PALM2AKAP2: variants seen among roughly 807,000 people sequenced by gnomAD.
PALM2AKAP2 encodes PALM2-AKAP2 fusion protein.
PALM2AKAP2 carries 37 observed loss-of-function variants against 71.5 expected under a neutral mutation model. That is an observed-to-expected ratio of 0.52 (90% CI 0.40 to 0.68). The LOEUF (loss-of-function observed/expected upper bound fraction) is 0.68, where lower values mean the gene tolerates loss of function less well. Among genes scored for constraint, PALM2AKAP2 ranks in the 30% least tolerant of loss-of-function variants. The pLI, the probability that PALM2AKAP2 is intolerant of heterozygous loss-of-function variation, is 0.00. For synonymous variants in PALM2AKAP2, 468 were observed against 478.8 expected (o/e 0.98, Z 0.29); for missense variants, 1,224 against 1,191.8 (o/e 1.03, Z -0.40).
At chr9:110,048,884 G>C in intron 1 of PALM2AKAP2, 1 of 1,517,920 alleles carries the variant, frequency 6.6e-7, no homozygotes, top group Non-Finnish European at 8.8e-7. Context: ...GAGGGGAGGG[G>C]CTGGAGTGTC....
chr9:109,764,613 A>G (rs1160850762), intron 1 of PALM2AKAP2, among the ~76,000 whole-genome samples: 1 of 152,162 alleles, frequency 6.6e-6, no homozygotes, highest in Non-Finnish European at 1.5e-5. Flanking sequence ...CCAAAGATCT[A>G]TTAATGTTTC....
chr9:109,688,444 G>C (rs1355183136), intron 1 of PALM2AKAP2, among the ~76,000 whole-genome samples: 1 of 152,216 alleles, frequency 6.6e-6, no homozygotes, highest in Non-Finnish European at 1.5e-5. Context: ...TATCTTGAGT[G>C]TCTTAGGAGG....
exon 4 of PALM2AKAP2, chr9:110,169,075 T>G (rs1836799891): frequency 6.5e-6 from 1 of 152,706 alleles, no homozygotes; most frequent in African/African-American, 2.4e-5. Flanking sequence ...TATTTTTAAT[T>G]GAGAACAACT....
chr9:109,986,065 G>T (rs1212847878), intron 6 of PALM2AKAP2, among the ~76,000 whole-genome samples: 1 of 152,134 alleles, frequency 6.6e-6, no homozygotes, highest in East Asian at 1.9e-4. Flanking sequence ...AATGCGACCC[G>T]CTACCAAAAT....
At chr9:109,762,153 C>T (rs1452364395) in intron 1 of PALM2AKAP2, among the ~76,000 whole-genome samples, 1 of 139,982 alleles carries the variant, frequency 7.1e-6, no homozygotes, top group African/African-American at 2.5e-5. Flanking sequence ...TCTAGAAGGA[C>T]AGAATTTTTT....
At position 109,828,986 on chromosome 9, in the gene PALM2AKAP2, A is replaced by G. The variant is rs183222462; in HGVS notation, c.46-38505A>G. The stretch of plus-strand genomic sequence containing the variant: ...TTGACAGTGGACTCTTTTATCACAG[A>G]ATGTGAGGTGAGGCAGAGGAAATAT... On this transcript the variant is annotated intron_variant, in intron 1 of 9. Transcript: ENST00000302798. Among the ~76,000 whole-genome samples the G allele has an allele frequency of 1.5e-3, 225 of 152,368 alleles. 1 individual carries two copies. Among genetic ancestry groups the G allele is most frequent in the African/African-American group, 4.9e-3 (204 of 41,594 alleles).
intron 1 of PALM2AKAP2, among the ~76,000 whole-genome samples, chr9:109,791,571 T>C (rs1827112707): frequency 6.6e-6 from 1 of 152,158 alleles, no homozygotes; most frequent in African/African-American, 2.4e-5. Flanking sequence ...TCATGTAGCT[T>C]TTCTTAAGGG....
chr9:109,730,865 T>C (rs1828547095), intron 1 of PALM2AKAP2, among the ~76,000 whole-genome samples: 1 of 152,020 alleles, frequency 6.6e-6, no homozygotes, highest in Non-Finnish European at 1.5e-5. Flanking sequence ...GCAATCTTTC[T>C]AACCAACAAC....
At chr9:109,932,404 T>A (rs1831127772) in intron 6 of PALM2AKAP2, among the ~76,000 whole-genome samples, 1 of 152,216 alleles carries the variant, frequency 6.6e-6, no homozygotes, top group Non-Finnish European at 1.5e-5. Flanking sequence ...GGAAGCTGGA[T>A]GGGAAATATT....
chr9:110,150,802 G>A (rs1343489853), intron 2 of PALM2AKAP2, among the ~76,000 whole-genome samples: 1 of 152,184 alleles, frequency 6.6e-6, no homozygotes, highest in African/African-American at 2.4e-5. Flanking sequence ...CAGGCAGTCT[G>A]GCTCTCCCGC....
At chr9:109,902,701 G>A (rs1830357002) in intron 3 of PALM2AKAP2, among the ~76,000 whole-genome samples, 1 of 152,198 alleles carries the variant, frequency 6.6e-6, no homozygotes, top group African/African-American at 2.4e-5. Flanking sequence ...GGACCTCATG[G>A]CCACATGACA....
intron 6 of PALM2AKAP2, among the ~76,000 whole-genome samples, chr9:109,988,097 T>A (rs1256630106): frequency 1.3e-5 from 2 of 152,218 alleles, no homozygotes; most frequent in Non-Finnish European, 2.9e-5. Flanking sequence ...AGGTTATTAT[T>A]ATCTCAAGAG....
intron 7 of PALM2AKAP2, 119 bp downstream of exon 7, chr9:110,016,158 C>G (rs1037379798): frequency 4.0e-6 from 4 of 1,004,988 alleles, no homozygotes; most frequent in Admixed American, 4.2e-5. Flanking sequence ...AGTTCTCTCT[C>G]TACTCACTGA....
chr9:110,069,890 T>C (rs1834166906), intron 1 of PALM2AKAP2, among the ~76,000 whole-genome samples: 1 of 152,218 alleles, frequency 6.6e-6, no homozygotes, highest in South Asian at 2.1e-4. Flanking sequence ...AATTTTTACT[T>C]CGGTTAAATC....
intron 1 of PALM2AKAP2, among the ~76,000 whole-genome samples, chr9:109,714,498 A>C (rs1259551056): frequency 2.0e-5 from 3 of 152,104 alleles, no homozygotes; most frequent in African/African-American, 7.2e-5. Flanking sequence ...ATTTCACCCC[A>C]TTCCTTCTTT....
At chr9:110,156,262 T>C (rs1245507309) in intron 2 of PALM2AKAP2, 57 bp from the exon 9 acceptor site, 2 of 1,473,592 alleles carry the variant, frequency 1.4e-6, no homozygotes, top group Non-Finnish European at 1.8e-6. Flanking sequence ...GTTTTCTTTC[T>C]AAAAGCAGTC....
intron 1 of PALM2AKAP2, among the ~76,000 whole-genome samples, chr9:110,051,217 C>G (rs1833703992): frequency 6.6e-6 from 1 of 152,190 alleles, no homozygotes; most frequent in Non-Finnish European, 1.5e-5. Flanking sequence ...CCACTTCCTG[C>G]CTGCAGAGTC....
intron 1 of PALM2AKAP2, among the ~76,000 whole-genome samples, chr9:109,857,340 G>A (rs531920478): frequency 1.9e-4 from 29 of 152,290 alleles, no homozygotes; most frequent in African/African-American, 6.3e-4. Context: ...TAGACTATTC[G>A]ATTTCTATGT....
chr9:109,918,726 G>A (rs1247852172), intron 3 of PALM2AKAP2, among the ~76,000 whole-genome samples: 3 of 152,232 alleles, frequency 2.0e-5, no homozygotes, highest in Admixed American at 1.3e-4. Context: ...TCCTGAGAAA[G>A]AGAGCAGCCT....
Sources: allele counts gnomAD v4.1 joint callset (sites outside exome capture counted in the v4.1 genomes callset), GRCh38; gene constraint gnomAD v4.1.1; transcripts MANE v1.5; gene names NCBI Gene and HGNC (gene_info 2026-07-23, HGNC 2026-07-21).